SIRT5: variants seen among roughly 807,000 people sequenced by gnomAD.
The protein encoded by SIRT5 is NAD-dependent protein deacylase sirtuin-5, mitochondrial.
A neutral mutation model predicts 40.0 loss-of-function variants in SIRT5; 26 were observed. The observed-to-expected ratio is 0.65, with a 90% CI of 0.48 to 0.90. The LOEUF is 0.90. Ranked by LOEUF, SIRT5 falls within the 40% of genes least tolerant of loss-of-function variation. SIRT5 has a pLI of 0.00. For synonymous variants in SIRT5, 146 were observed against 149.1 expected (o/e 0.98, Z 0.15); for missense variants, 401 against 402.4 (o/e 1.00, Z 0.03).
intron 9 of SIRT5, among the ~76,000 whole-genome samples, chr6:13,601,905 G>A (rs1261408337): frequency 6.6e-6 from 1 of 151,792 alleles, no homozygotes. Flanking sequence ...CCTCAAGTGA[G>A]TGAACTGGCT....
At chr6:13,608,556 G>A (rs1473087614) in intron 9 of SIRT5, among the ~76,000 whole-genome samples, 4 of 150,960 alleles carry the variant, frequency 2.6e-5, no homozygotes, top group East Asian at 3.9e-4. Flanking sequence ...ACTGCACTCC[G>A]GCCTGGGTGA....
At chr6:13,610,889 A>G (rs1177856928) in intron 9 of SIRT5, among the ~76,000 whole-genome samples, 1 of 152,222 alleles carries the variant, frequency 6.6e-6, no homozygotes, top group African/African-American at 2.4e-5. Flanking sequence ...AATATAAATG[A>G]GTTGCACTGA....
At chr6:13,580,917 T>G in intron 2 of SIRT5, among the ~76,000 whole-genome samples, 1 of 152,226 alleles carries the variant, frequency 6.6e-6, no homozygotes, top group Non-Finnish European at 1.5e-5. Flanking sequence ...TGCCTCAGCC[T>G]CCCAAAGTCC....
intron 9 of SIRT5, chr6:13,605,740 C>T: frequency 1.0e-6 from 1 of 985,436 alleles, no homozygotes; most frequent in Non-Finnish European, 1.2e-6. Context: ...TGAATTTAAA[C>T]CTCAGTGTTT....
chr6:13,591,695 C>T lies in SIRT5; in HGVS notation c.276C>T (p.Ala92=). Residue 92 remains alanine (A), a synonymous_variant, in exon 5 of 10, where the codon GCC becomes GCT. Coordinates refer to ENST00000606117, the MANE Select transcript of SIRT5 (RefSeq NM_012241.5). ...AQDLATPLAF[A]HNPSRVWEFY... is the part of the protein sequence containing the mutation. ...ACCTGGCGACTCCCCTGGCCTTTGCCCACAACCCGTCCCGGGTGTGGGAGT... is the reference window on the plus strand; with the variant it reads ...ACCTGGCGACTCCCCTGGCCTTTGCTCACAACCCGTCCCGGGTGTGGGAGT... 6.3e-7 allele frequency: 1 copy of T among 1,598,772 alleles called. No individual in the cohort carries two copies. Among genetic ancestry groups the T allele is most frequent in the Non-Finnish European group, 8.5e-7 (1 of 1,169,594 alleles).
intron 2 of SIRT5, among the ~76,000 whole-genome samples, chr6:13,580,849 TG>T (rs2127610900): frequency 6.6e-6 from 1 of 152,194 alleles, no homozygotes; most frequent in South Asian, 2.1e-4. Context: ...TTTGTAGAGA[TG>T]GGGTCTCACT....
intron 2 of SIRT5, among the ~76,000 whole-genome samples, chr6:13,582,218 A>C (rs927021169): frequency 6.6e-6 from 1 of 152,230 alleles, no homozygotes; most frequent in Non-Finnish European, 1.5e-5. Flanking sequence ...TAATCTCCTT[A>C]CATAGCGTTT....
rs1763542200 is a variant in SIRT5, at chr6:13,609,326, T to C, written c.858-2464T>C. 4.6e-5 allele frequency among the ~76,000 whole-genome samples: 7 copies of C among 152,268 alleles called. No individual in the cohort carries two copies. The South Asian group carries it at 1.5e-3, about 32-fold the overall frequency. ...GAGGGAGACCGGACCCCCGTAGAAC[T>C]GAGAAGTGTTTCCCAATAAGGGAAA... On this transcript the variant is annotated intron_variant, in intron 9 of 9. Coordinates refer to ENST00000606117, the MANE Select transcript of SIRT5 (RefSeq NM_012241.5).
chr6:13,583,858 G>A (rs571359010), intron 2 of SIRT5, among the ~76,000 whole-genome samples: 1 of 150,944 alleles, frequency 6.6e-6, no homozygotes, highest in Non-Finnish European at 1.5e-5. Flanking sequence ...GCACCTCTAG[G>A]AGCACTTGAG....
rs556207986 is a variant in SIRT5, at chr6:13,602,248, A to G, written c.857+1299A>G. Among the ~76,000 whole-genome samples the G allele has an allele frequency of 2.7e-3, 411 of 152,334 alleles. 2 individuals are homozygous for G. The highest frequency in any genetic ancestry group is 4.3e-3 in the Non-Finnish European group (295 of 68,036). On this transcript the variant is annotated intron_variant, in intron 9 of 9. Coordinates refer to ENST00000606117, the MANE Select transcript of SIRT5 (RefSeq NM_012241.5). ...TGACAGCAATTAATTGAAAAGATTA[A>G]TCTAAAATTCATATGAAAATGCAAG... is the stretch of plus-strand genomic sequence containing the variant.
intron 5 of SIRT5, 49 bp downstream of exon 5, chr6:13,591,943 G>A (rs1274066798): frequency 6.5e-7 from 1 of 1,544,570 alleles, no homozygotes; most frequent in Non-Finnish European, 8.9e-7. Flanking sequence ...TAAAACACCT[G>A]TCCTGCTGTT....
At chr6:13,604,127 T>C (rs1166319093) in intron 9 of SIRT5, among the ~76,000 whole-genome samples, 3 of 152,270 alleles carry the variant, frequency 2.0e-5, no homozygotes, top group Non-Finnish European at 4.4e-5. Context: ...GTGATGGTTG[T>C]ATAATTCTGT....
At chr6:13,604,762 A>T (rs201151612) in intron 9 of SIRT5, 49 of 1,216,184 alleles carry the variant, frequency 4.0e-5, no homozygotes, top group Non-Finnish European at 4.8e-5. Context: ...TCACTGCTCA[A>T]GTCAAGCCTC....
At chr6:13,600,812 T>A in intron 8 of SIRT5, 22 bp from the exon 9 acceptor site, 2 of 1,566,328 alleles carry the variant, frequency 1.3e-6, no homozygotes, top group Non-Finnish European at 1.8e-6. Flanking sequence ...TGTTTGTTCA[T>A]CTCCGTGTAC....
intron 6 of SIRT5, 111 bp downstream of exon 6, chr6:13,595,675 A>G: frequency 1.1e-6 from 1 of 878,270 alleles, no homozygotes; most frequent in Non-Finnish European, 1.9e-6. Context: ...TTTATGAGAA[A>G]TAAGACTAAA....
intron 4 of SIRT5, chr6:13,589,028 A>G (rs1760449453): frequency 6.6e-6 from 1 of 152,662 alleles, no homozygotes; most frequent in Non-Finnish European, 1.5e-5. Flanking sequence ...CCAGCACCAT[A>G]ATCACAATAT....
At position 13,591,706 on chromosome 6, in the gene SIRT5, C is replaced by A; in HGVS notation, c.287C>A (p.Ser96Tyr). 1 of 1,605,936 alleles carries A rather than the reference C, an allele frequency of 6.2e-7. No individual in the cohort carries two copies. Among genetic ancestry groups the A allele is most frequent in the South Asian group, 1.1e-5 (1 of 90,532 alleles). The change falls in exon 5 of 10, where the codon TCC (serine) becomes TAC (tyrosine). Residue 96 changes from serine (S) to tyrosine (Y), a missense_variant. Transcript: ENST00000606117. ...CCCCTGGCCTTTGCCCACAACCCGT[C>A]CCGGGTGTGGGAGTTCTACCACTAC... ...ATPLAFAHNP[S>Y]RVWEFYHYRR... is the part of the protein sequence containing the mutation.
intron 1 of SIRT5, 102 bp from the exon 2 acceptor site, chr6:13,579,349 C>T (rs903016698): frequency 2.6e-5 from 4 of 152,004 alleles, no homozygotes; most frequent in Non-Finnish European, 5.9e-5. Context: ...TGACATTGTT[C>T]TTAATTTCTT....
At chr6:13,606,525 C>T (rs775301990) in intron 9 of SIRT5, among the ~76,000 whole-genome samples, 1 of 151,996 alleles carries the variant, frequency 6.6e-6, no homozygotes, top group African/African-American at 2.4e-5. Flanking sequence ...CTGTCAAGGG[C>T]GGGTAGGGAA....
Sources: allele counts gnomAD v4.1 joint callset (sites outside exome capture counted in the v4.1 genomes callset), GRCh38; gene constraint gnomAD v4.1.1; transcripts MANE v1.5; gene names NCBI Gene and HGNC (gene_info 2026-07-23, HGNC 2026-07-21).